The following TBC1D15 variants were observed in gnomAD, a reference collection of about 807,000 sequenced individuals.
The protein encoded by TBC1D15 is GAP for RAB7.
In TBC1D15, 39 loss-of-function variants were observed where a neutral mutation model predicts 95.4. The ratio of observed to expected loss-of-function variants is 0.41; its 90% confidence interval spans 0.32 to 0.53. TBC1D15 has a LOEUF of 0.53. TBC1D15 is among the 20% of genes least tolerant of loss of function. The probability of loss-of-function intolerance (pLI) is 0.29; values close to 1 mark genes in which losing one functional copy is unlikely to be tolerated. For missense variants in TBC1D15, 733 were observed against 794.3 expected, an observed-to-expected ratio of 0.92 and a Z score of 0.93; for synonymous variants, 258 against 261.3, an observed-to-expected ratio of 0.99 and a Z score of 0.12.
intron 10 of TBC1D15, among the ~76,000 whole-genome samples, chr12:71,902,400 G>A (rs963117875): frequency 6.6e-6 from 1 of 152,084 alleles, no homozygotes; most frequent in South Asian, 2.1e-4. Context: ...AACGAAACAT[G>A]TTAGAGAACC....
intron 1 of TBC1D15, chr12:71,850,526 C>T (rs1388515649): frequency 6.2e-6 from 1 of 162,312 alleles, no homozygotes; most frequent in Non-Finnish European, 1.3e-5. Context: ...GATCCTTCCA[C>T]CTCAGCCTCC....
At chr12:71,883,997 C>T (rs375775701) in intron 4 of TBC1D15, among the ~76,000 whole-genome samples, 48 of 152,124 alleles carry the variant, frequency 3.2e-4, no homozygotes, top group East Asian at 1.2e-3. Context: ...CAGAACATGC[C>T]GTATTTTACA....
intron 1 of TBC1D15, among the ~76,000 whole-genome samples, chr12:71,853,843 T>G (rs1356361064): frequency 6.6e-6 from 1 of 152,212 alleles, no homozygotes; most frequent in Non-Finnish European, 1.5e-5. Flanking sequence ...CTTTGTGAAT[T>G]ATGAGATTTC....
Position 71,922,980 on chromosome 12 carries a change from C to T in TBC1D15, c.1804-3C>T, listed in dbSNP as rs754785354. The stretch of plus-strand genomic sequence containing the variant: ...GGTTTTGAGTTTGATTTTTCATATC[C>T]AGGAATTGCCACAAGCAGTCTGTGA... On this transcript the variant is annotated splice_polypyrimidine_tract_variant and splice_region_variant and intron_variant, in intron 16 of 16. Transcript: ENST00000485960. The T allele has an allele frequency of 6.2e-7, 1 of 1,613,424 alleles. No homozygotes were observed. Among genetic ancestry groups the T allele is most frequent in the South Asian group, 1.1e-5 (1 of 91,058 alleles).
intron 11 of TBC1D15, 87 bp downstream of exon 11, chr12:71,907,225 A>T (rs1451317774): frequency 1.4e-6 from 1 of 713,056 alleles, no homozygotes; most frequent in African/African-American, 1.8e-5. Flanking sequence ...CATGGGTAAT[A>T]GCTTTGTAGG....
intron 5 of TBC1D15, among the ~76,000 whole-genome samples, chr12:71,885,338 A>G (rs1896021811): frequency 6.6e-6 from 1 of 152,178 alleles, no homozygotes; most frequent in South Asian, 2.1e-4. Flanking sequence ...ACCCTTTATT[A>G]TGTATTTTCT....
chr12:71,850,995 A>AAAAAG (rs1327996437), intron 1 of TBC1D15, among the ~76,000 whole-genome samples: 1 of 151,408 alleles, frequency 6.6e-6, no homozygotes, highest in African/African-American at 2.4e-5. Context: ...AAAAAAAAAA[A>AAAAAG]AAAAAAAAAA....
chr12:71,896,292 T>C, intron 8 of TBC1D15: 1 of 451,768 alleles, frequency 2.2e-6, no homozygotes, highest in Non-Finnish European at 3.9e-6. Flanking sequence ...ATGATGTTCC[T>C]GGGGGTTGGG....
intron 1 of TBC1D15, among the ~76,000 whole-genome samples, chr12:71,840,448 G>T (rs1384047666): frequency 6.6e-6 from 1 of 152,194 alleles, no homozygotes; most frequent in Non-Finnish European, 1.5e-5. Context: ...AGGCATTTCA[G>T]TAGGAGTATT....
At chr12:71,849,915 A>G (rs967092287) in intron 1 of TBC1D15, 7 of 561,154 alleles carry the variant, frequency 1.2e-5, no homozygotes, top group African/African-American at 1.9e-5. Context: ...CTTGAGGATC[A>G]GTGGCTGGAA....
intron 14 of TBC1D15, among the ~76,000 whole-genome samples, chr12:71,920,259 C>T (rs1007070858): frequency 5.3e-5 from 8 of 152,110 alleles, no homozygotes; most frequent in African/African-American, 1.9e-4. Context: ...AAGGGTTTTA[C>T]GTATTTAGAA....
chr12:71,870,532 T>C (rs959322087), intron 1 of TBC1D15, among the ~76,000 whole-genome samples: 3 of 152,198 alleles, frequency 2.0e-5, no homozygotes, highest in African/African-American at 7.2e-5. Flanking sequence ...TTTCCTGACA[T>C]AAGTCCATAT....
chr12:71,876,016 A>C (rs1377534729), intron 3 of TBC1D15, among the ~76,000 whole-genome samples: 1 of 151,976 alleles, frequency 6.6e-6, no homozygotes, highest in African/African-American at 2.4e-5. Flanking sequence ...GCTGGTCTCG[A>C]TCTCCTGACC....
At chr12:71,856,594 A>AT (rs1407100024) in intron 1 of TBC1D15, among the ~76,000 whole-genome samples, 1 of 149,530 alleles carries the variant, frequency 6.7e-6, no homozygotes, top group Admixed American at 6.7e-5. Context: ...TTCCTGACTT[A>AT]TTTTTTTTCT....
Position 71,843,791 on chromosome 12 carries a change from G to T in TBC1D15, c.30+3980G>T, listed in dbSNP as rs373121545. 5.4e-4 allele frequency among the ~76,000 whole-genome samples: 82 copies of T among 152,154 alleles called. 1 individual carries two copies. The South Asian group carries it at 0.016, about 30-fold the overall frequency. The stretch of plus-strand genomic sequence containing the variant: ...CACGTCTCCTATCTGACTTCGCTTG[G>T]CACACCAATATCCTTGAGAAGCAAT... On this transcript the variant is annotated intron_variant, in intron 1 of 16. Transcript: ENST00000485960.
intron 1 of TBC1D15, among the ~76,000 whole-genome samples, chr12:71,855,128 G>A (rs1430604318): frequency 2.0e-5 from 3 of 152,068 alleles, no homozygotes; most frequent in Non-Finnish European, 4.4e-5. Flanking sequence ...ATGGCGGCAG[G>A]AGAGAGAGAG....
intron 14 of TBC1D15, among the ~76,000 whole-genome samples, chr12:71,919,379 T>A (rs1566082499): frequency 6.6e-6 from 1 of 152,044 alleles, no homozygotes. Context: ...GCTGGTATAA[T>A]GATTGATCAT....
chr12:71,896,192 T>TGG, intron 8 of TBC1D15, 117 bp downstream of exon 8: 1 of 859,532 alleles, frequency 1.2e-6, no homozygotes, highest in Non-Finnish European at 1.7e-6. Flanking sequence ...TTTTTTTTGG[T>TGG]GGGGGAAGTA....
intron 1 of TBC1D15, among the ~76,000 whole-genome samples, chr12:71,857,878 G>C (rs575072737): frequency 1.6e-4 from 24 of 152,250 alleles, no homozygotes; most frequent in Middle Eastern, 3.4e-3. Flanking sequence ...GGTAACTGCT[G>C]TTCTACTTTC....
Sources: allele counts gnomAD v4.1 joint callset (sites outside exome capture counted in the v4.1 genomes callset), GRCh38; gene constraint gnomAD v4.1.1; transcripts MANE v1.5; gene names NCBI Gene and HGNC (gene_info 2026-07-23, HGNC 2026-07-21).